SPOCK1: variants seen among roughly 807,000 people sequenced by gnomAD.
SPOCK1 encodes the protein testican-1.
SPOCK1 carries 23 observed loss-of-function variants against 55.3 expected under a neutral mutation model. The observed-to-expected ratio is 0.42, with a 90% CI of 0.30 to 0.59. The LOEUF (loss-of-function observed/expected upper bound fraction) is 0.59, where lower values mean the gene tolerates loss of function less well. Among genes scored for constraint, SPOCK1 ranks in the 20% least tolerant of loss-of-function variants. The probability of loss-of-function intolerance (pLI) is 0.22; values close to 1 mark genes in which losing one functional copy is unlikely to be tolerated. For synonymous variants in SPOCK1, 226 were observed against 221.0 expected (o/e 1.02, Z -0.20); for missense variants, 499 against 552.5 (o/e 0.90, Z 0.97).
chr5:137,282,653 G>T (rs1481398584), intron 2 of SPOCK1, among the ~76,000 whole-genome samples: 1 of 152,326 alleles, frequency 6.6e-6, no homozygotes, highest in South Asian at 2.1e-4. Flanking sequence ...CCCTTCCTTA[G>T]CTTCCAAATG....
intron 2 of SPOCK1, among the ~76,000 whole-genome samples, chr5:137,455,257 T>C (rs1753339519): frequency 6.6e-6 from 1 of 152,192 alleles, no homozygotes; most frequent in African/African-American, 2.4e-5. Context: ...TACCACCTTA[T>C]CTTAAGGACA....
At chr5:137,445,558 G>A (rs970450275) in intron 2 of SPOCK1, among the ~76,000 whole-genome samples, 1 of 152,220 alleles carries the variant, frequency 6.6e-6, no homozygotes, top group African/African-American at 2.4e-5. Context: ...AAAGGGAAGA[G>A]GGAGTCAAAG....
intron 2 of SPOCK1, among the ~76,000 whole-genome samples, chr5:137,370,180 G>A (rs1051546150): frequency 2.0e-5 from 3 of 152,072 alleles, no homozygotes; most frequent in Non-Finnish European, 4.4e-5. Context: ...CTTCTCACCC[G>A]CTGCCTACCT....
intron 2 of SPOCK1, among the ~76,000 whole-genome samples, chr5:137,459,203 T>A (rs1419598066): frequency 6.6e-6 from 1 of 152,026 alleles, no homozygotes; most frequent in Non-Finnish European, 1.5e-5. Flanking sequence ...ACAAGACCTA[T>A]TATTGAATTC....
At chr5:137,090,613 C>T (rs1238718907) in intron 5 of SPOCK1, among the ~76,000 whole-genome samples, 1 of 152,184 alleles carries the variant, frequency 6.6e-6, no homozygotes. Flanking sequence ...GGCACCTTTG[C>T]TGGCTGAAGT....
At chr5:137,292,587 C>A (rs1227004391) in intron 2 of SPOCK1, among the ~76,000 whole-genome samples, 1 of 152,130 alleles carries the variant, frequency 6.6e-6, no homozygotes, top group Non-Finnish European at 1.5e-5. Context: ...GAAGCCCTTC[C>A]CAGGACAGAA....
intron 2 of SPOCK1, among the ~76,000 whole-genome samples, chr5:137,401,302 A>G (rs1181065148): frequency 2.0e-5 from 3 of 152,174 alleles, no homozygotes; most frequent in African/African-American, 7.2e-5. Flanking sequence ...ACTTAGCAAA[A>G]TGATAGCTAA....
chr5:137,066,521 A>AT (rs1561596739), intron 6 of SPOCK1, among the ~76,000 whole-genome samples: 1 of 152,192 alleles, frequency 6.6e-6, no homozygotes, highest in African/African-American at 2.4e-5. Context: ...ATTTCCTAAG[A>AT]TTTTTAAGAA....
At chr5:137,223,951 G>C (rs982815109) in intron 3 of SPOCK1, among the ~76,000 whole-genome samples, 1 of 152,208 alleles carries the variant, frequency 6.6e-6, no homozygotes, top group African/African-American at 2.4e-5. Context: ...TAAATAATAA[G>C]AGAATGGTTA....
intron 4 of SPOCK1, among the ~76,000 whole-genome samples, chr5:137,132,248 T>G (rs79105824): frequency 0.014 from 2,042 of 150,686 alleles, 44 homozygotes; most frequent in African/African-American, 0.046. Flanking sequence ...TTTAACATCT[T>G]CAGTGAATTG....
At chr5:137,048,736 C>T (rs1400439620) in intron 6 of SPOCK1, among the ~76,000 whole-genome samples, 2,662 of 97,600 alleles carry the variant, frequency 0.027, 36 homozygotes, top group Non-Finnish European at 0.041. Flanking sequence ...TTCCTAGTCT[C>T]GATGGTCTTT....
intron 6 of SPOCK1, among the ~76,000 whole-genome samples, chr5:137,024,216 A>G (rs1349627876): frequency 6.7e-6 from 1 of 149,868 alleles, no homozygotes; most frequent in Non-Finnish European, 1.5e-5. Context: ...ACAGAATGAG[A>G]GAGTGCGGCC....
chr5:137,247,431 T>C (rs1421886105), intron 3 of SPOCK1, among the ~76,000 whole-genome samples: 2 of 152,248 alleles, frequency 1.3e-5, no homozygotes, highest in East Asian at 3.8e-4. Context: ...CATATCATCC[T>C]ATGATTATGG....
intron 2 of SPOCK1, chr5:137,365,487 T>C (rs1475474322): frequency 1.3e-5 from 2 of 152,230 alleles, no homozygotes; most frequent in African/African-American, 4.8e-5. Flanking sequence ...AATAGAGGAC[T>C]CTGAGAAATT....
chr5:137,342,401 G>A (rs1027200627), intron 2 of SPOCK1, among the ~76,000 whole-genome samples: 4 of 152,112 alleles, frequency 2.6e-5, no homozygotes, highest in African/African-American at 9.7e-5. Flanking sequence ...CATGGAATCG[G>A]TCACTATGAA....
chr5:137,317,782 A>G (rs1580863927), intron 2 of SPOCK1, among the ~76,000 whole-genome samples: 1 of 152,326 alleles, frequency 6.6e-6, no homozygotes, highest in East Asian at 1.9e-4. Flanking sequence ...TTCACTAACC[A>G]TAATCTACAA....
At chr5:137,322,715 A>C (rs575880032) in intron 2 of SPOCK1, among the ~76,000 whole-genome samples, 2 of 152,330 alleles carry the variant, frequency 1.3e-5, no homozygotes, top group African/African-American at 4.8e-5. Flanking sequence ...CTTACCAAAA[A>C]AAAAATCAAA....
At chr5:137,118,791 C>T (rs1385497989) in intron 4 of SPOCK1, among the ~76,000 whole-genome samples, 1 of 152,188 alleles carries the variant, frequency 6.6e-6, no homozygotes, top group African/African-American at 2.4e-5. Context: ...TCATTTTACT[C>T]AGTACACTCT....
intron 2 of SPOCK1, among the ~76,000 whole-genome samples, chr5:137,296,755 ATTC>A (rs1757494526): frequency 1.3e-5 from 2 of 152,324 alleles, no homozygotes; most frequent in Non-Finnish European, 2.9e-5. Context: ...TAAAAGGTAC[ATTC>A]AATGCTATGC....
Sources: gnomAD v4.1 joint callset for allele counts (sites outside exome capture counted in the v4.1 genomes callset) on GRCh38, gnomAD v4.1.1 for gene constraint, MANE v1.5 for transcripts, NCBI Gene and HGNC (gene_info 2026-07-23, HGNC 2026-07-21) for gene names.